Variants in CDC14B observed in about 807,000 individuals in gnomAD.
The protein encoded by CDC14B is dual specificity protein phosphatase CDC14B.
A neutral mutation model predicts 64.2 loss-of-function variants in CDC14B; 22 were observed. The ratio of observed to expected loss-of-function variants is 0.34; its 90% CI spans 0.24 to 0.49. CDC14B has a LOEUF of 0.49. Among genes scored for constraint, CDC14B ranks in the 20% least tolerant of loss-of-function variants. CDC14B has a pLI of 0.99. For missense variants in CDC14B, 498 were observed against 629.9 expected, an observed-to-expected ratio of 0.79 and a Z score of 2.24; for synonymous variants, 191 against 215.8, an observed-to-expected ratio of 0.89 and a Z score of 1.01.
chr9:96,538,065 C>T (rs961050069), intron 7 of CDC14B, among the ~76,000 whole-genome samples: 65 of 152,246 alleles, frequency 4.3e-4, no homozygotes, highest in Admixed American at 7.2e-4. Flanking sequence ...CTTTCTGTAA[C>T]TTGCAACCAG....
chr9:96,568,331 T>C (rs1339123129), intron 1 of CDC14B, among the ~76,000 whole-genome samples: 2 of 152,208 alleles, frequency 1.3e-5, no homozygotes, highest in Non-Finnish European at 2.9e-5. Context: ...GTAGTTTTCA[T>C]GGCAAAAGAT....
chr9:96,552,717 A>G (rs1841986065), intron 4 of CDC14B, among the ~76,000 whole-genome samples: 1 of 152,164 alleles, frequency 6.6e-6, no homozygotes, highest in Non-Finnish European at 1.5e-5. Flanking sequence ...TCTCTAAGTA[A>G]GTCCTCTGCC....
At chr9:96,504,568 G>T (rs1246153491) in intron 13 of CDC14B, among the ~76,000 whole-genome samples, 1 of 152,226 alleles carries the variant, frequency 6.6e-6, no homozygotes, top group Non-Finnish European at 1.5e-5. Context: ...AGTGAGACAA[G>T]TGGGAAAATA....
intron 9 of CDC14B, among the ~76,000 whole-genome samples, chr9:96,527,717 G>A (rs767304930): frequency 1.1e-4 from 16 of 151,944 alleles, no homozygotes; most frequent in Non-Finnish European, 4.4e-5. Flanking sequence ...CCGGGTTCAC[G>A]CCCTTCTCCT....
chr9:96,583,519 C>G (rs2118412481), intron 1 of CDC14B, among the ~76,000 whole-genome samples: 1 of 150,648 alleles, frequency 6.6e-6, no homozygotes, highest in South Asian at 2.1e-4. Flanking sequence ...GCCTCAGTCT[C>G]AAGAGTAGCT....
At chr9:96,572,907 T>C (rs1466140046) in intron 1 of CDC14B, among the ~76,000 whole-genome samples, 1 of 152,116 alleles carries the variant, frequency 6.6e-6, no homozygotes, top group Non-Finnish European at 1.5e-5. Context: ...TTTAACAATG[T>C]AGTAAGTGGA....
chr9:96,530,798 G>A (rs894870621), intron 9 of CDC14B, among the ~76,000 whole-genome samples: 8 of 151,972 alleles, frequency 5.3e-5, no homozygotes, highest in Non-Finnish European at 8.8e-5. Flanking sequence ...TGTTAGCTGT[G>A]GGCTTTTCAC....
intron 1 of CDC14B, chr9:96,618,840 G>A: frequency 3.2e-6 from 1 of 316,460 alleles, no homozygotes; most frequent in Non-Finnish European, 6.1e-6. Flanking sequence ...TCGCGCGAGG[G>A]CCAACCGGGC....
At chr9:96,553,219 C>A (rs1271769277) in intron 4 of CDC14B, among the ~76,000 whole-genome samples, 1 of 152,180 alleles carries the variant, frequency 6.6e-6, no homozygotes. Context: ...ATCTTAGAAA[C>A]TCAGAAACAG....
chr9:96,613,700 C>T (rs1015638238), intron 1 of CDC14B, among the ~76,000 whole-genome samples: 3 of 152,176 alleles, frequency 2.0e-5, no homozygotes, highest in Admixed American at 6.5e-5. Context: ...AAGAAAAATG[C>T]ACACTACACA....
intron 1 of CDC14B, among the ~76,000 whole-genome samples, chr9:96,573,657 TAATA>T (rs1295048882): frequency 1.3e-5 from 2 of 152,188 alleles, no homozygotes; most frequent in Admixed American, 6.5e-5. Flanking sequence ...GAATTAAATG[TAATA>T]AATTTACATG....
At chr9:96,579,000 T>C (rs1844974899) in intron 1 of CDC14B, among the ~76,000 whole-genome samples, 1 of 151,814 alleles carries the variant, frequency 6.6e-6, no homozygotes, top group South Asian at 2.1e-4. Context: ...CTATTTTTAG[T>C]AGAGACAGGG....
At chr9:96,580,939 A>G (rs1411565921) in intron 1 of CDC14B, among the ~76,000 whole-genome samples, 1 of 152,216 alleles carries the variant, frequency 6.6e-6, no homozygotes, top group Non-Finnish European at 1.5e-5. Flanking sequence ...GTATAAAAAT[A>G]AACAGATTTA....
intron 13 of CDC14B, among the ~76,000 whole-genome samples, chr9:96,509,429 T>C (rs1834607856): frequency 6.6e-6 from 1 of 152,228 alleles, no homozygotes; most frequent in Admixed American, 6.5e-5. Flanking sequence ...AACTTTCCCA[T>C]ATCATGACCC....
At position 96,509,786 on chromosome 9, in the gene CDC14B, TACTC is replaced by T. The variant is rs749214325; in HGVS notation, c.1344-1_1346del. On this transcript the variant is annotated splice_acceptor_variant and coding_sequence_variant, in exon 13 of 14. Transcript: ENST00000375241. LOFTEE classifies it high-confidence loss of function. ...AGCTCTGAACACTGGATTGAAGAAT[TACTC>T]TGAAAATAGTTGGAAAAAAATAAGA... 1 of 1,575,392 alleles carries T rather than the reference TACTC, an allele frequency of 6.3e-7. No individual in the cohort carries two copies. Among genetic ancestry groups the T allele is most frequent in the Non-Finnish European group, 8.7e-7 (1 of 1,147,318 alleles).
chr9:96,595,864 T>C (rs913295668), intron 1 of CDC14B, among the ~76,000 whole-genome samples: 1 of 152,044 alleles, frequency 6.6e-6, no homozygotes, highest in Non-Finnish European at 1.5e-5. Context: ...ATAATGAAAA[T>C]ATATTAAAAT....
At chr9:96,503,952 A>G (rs577580722) in intron 13 of CDC14B, among the ~76,000 whole-genome samples, 163 bp from the exon 14 acceptor site, 2 of 152,312 alleles carry the variant, frequency 1.3e-5, no homozygotes, top group East Asian at 1.9e-4. Context: ...ACAACACAAT[A>G]TCAACCACAA....
chr9:96,502,101 G>C lies in CDC14B; in HGVS notation c.*1652C>G, dbSNP rs1368422952. On this transcript the variant is annotated 3_prime_UTR_variant, in exon 14 of 14. Coordinates refer to ENST00000375241, the MANE Select transcript of CDC14B (RefSeq NM_033331.4). ...TGAAGAGTAGTCTGCCCACAGCCAA[G>C]TGGGTCTTTGTGCCTATTCATTTCC... is the stretch of plus-strand genomic sequence containing the variant. The C allele has an allele frequency of 6.6e-6, 1 of 152,188 alleles. No homozygotes were observed. Among genetic ancestry groups the C allele is most frequent in the African/African-American group, 2.4e-5 (1 of 41,438 alleles). 9.4% of individuals were successfully genotyped at this position (152,188 alleles called of 1,614,324 possible).
intron 1 of CDC14B, among the ~76,000 whole-genome samples, chr9:96,614,148 A>G (rs777916607): frequency 4.6e-5 from 7 of 152,216 alleles, no homozygotes; most frequent in Non-Finnish European, 1.0e-4. Flanking sequence ...ACTTGTTTTT[A>G]AAAAGGTAAA....
Sources: gnomAD v4.1 joint callset for allele counts (sites outside exome capture counted in the v4.1 genomes callset) on GRCh38, gnomAD v4.1.1 for gene constraint, MANE v1.5 for transcripts, NCBI Gene and HGNC (gene_info 2026-07-23, HGNC 2026-07-21) for gene names.